The following SATB2 variants were observed in gnomAD, a reference collection of about 807,000 sequenced individuals.
SATB2 encodes DNA-binding protein SATB2.
In SATB2, 1 loss-of-function variant was observed where a neutral mutation model predicts 73.4. The observed-to-expected ratio is 0.01, with a 90% confidence interval of 0.00 to 0.06. SATB2 has a LOEUF of 0.06. Ranked by LOEUF, SATB2 falls within the 10% of genes least tolerant of loss-of-function variation. The pLI, the probability that SATB2 is intolerant of heterozygous loss-of-function variation, is 1.00. For missense variants in SATB2, 459 were observed against 945.8 expected (o/e 0.49, Z 6.75); for synonymous variants, 397 against 367.0 (o/e 1.08, Z -0.93).
At chr2:199,339,396 AT>A (rs1688436873) in intron 7 of SATB2, among the ~76,000 whole-genome samples, 1 of 152,176 alleles carries the variant, frequency 6.6e-6, no homozygotes, top group East Asian at 1.9e-4. Flanking sequence ...AAGACTGTTT[AT>A]TTTATGAAGC....
At chr2:199,294,666 C>A (rs1357698484) in intron 10 of SATB2, among the ~76,000 whole-genome samples, 1 of 152,142 alleles carries the variant, frequency 6.6e-6, no homozygotes, top group Non-Finnish European at 1.5e-5. Context: ...TCTCTTACCA[C>A]ACTTTTGAGT....
chr2:199,432,207 C>T (rs2105927628), intron 3 of SATB2, among the ~76,000 whole-genome samples: 1 of 152,312 alleles, frequency 6.6e-6, no homozygotes, highest in South Asian at 2.1e-4. Context: ...GAAAACATTC[C>T]TAATTTCAAT....
intron 2 of SATB2, among the ~76,000 whole-genome samples, chr2:199,438,824 G>A (rs968760459): frequency 6.6e-6 from 1 of 152,200 alleles, no homozygotes; most frequent in African/African-American, 2.4e-5. Flanking sequence ...GACAGGGTTA[G>A]CATTATTTTC....
intron 3 of SATB2, among the ~76,000 whole-genome samples, chr2:199,395,399 T>C (rs1690268477): frequency 6.6e-6 from 1 of 152,206 alleles, no homozygotes; most frequent in African/African-American, 2.4e-5. Context: ...TGATAACAGT[T>C]TCCAGTATGA....
intron 6 of SATB2, among the ~76,000 whole-genome samples, chr2:199,361,995 C>G (rs1262084412): frequency 2.1e-5 from 3 of 143,974 alleles, no homozygotes; most frequent in Admixed American, 1.4e-4. Context: ...CCTCGGCCTC[C>G]CAAAGTGCTA....
chr2:199,304,150 G>A (rs1346920164), intron 10 of SATB2, among the ~76,000 whole-genome samples: 1 of 152,140 alleles, frequency 6.6e-6, no homozygotes, highest in Non-Finnish European at 1.5e-5. Context: ...TTCAGGCAAG[G>A]CTTGACGTCT....
At chr2:199,441,145 C>G (rs556258191) in intron 2 of SATB2, among the ~76,000 whole-genome samples, 1 of 152,156 alleles carries the variant, frequency 6.6e-6, no homozygotes, top group East Asian at 1.9e-4. Flanking sequence ...CCTTGCCCAG[C>G]CATCATAATT....
In SATB2 at chr2:199,456,087, G is replaced by T. The variant is rs764712165; in HGVS notation, c.-50C>A. Reference sequence around the variant, plus strand: ...TCCCACCGGCAGGTCGCAATAAAACGCACAGGGACCTAGGGAGGGGGTGGG... The same window carrying T: ...TCCCACCGGCAGGTCGCAATAAAACTCACAGGGACCTAGGGAGGGGGTGGG... On this transcript the variant is annotated 5_prime_UTR_variant, in exon 2 of 11. Coordinates refer to ENST00000417098, the MANE Select transcript of SATB2 (RefSeq NM_001172509.2). 13 of 641,148 alleles carry T rather than the reference G, an allele frequency of 2.0e-5. No homozygotes were observed. The highest frequency in any genetic ancestry group is 3.0e-5 in the South Asian group (2 of 67,176). 39.7% of individuals were successfully genotyped at this position (641,148 alleles called of 1,614,324 possible). A position where few individuals can be genotyped will look rare whatever the true frequency, so the allele number is the denominator to read the frequency against.
At chr2:199,314,588 C>G (rs1687680155) in intron 9 of SATB2, among the ~76,000 whole-genome samples, 1 of 152,062 alleles carries the variant, frequency 6.6e-6, no homozygotes, top group African/African-American at 2.4e-5. Context: ...GTCATTGTTA[C>G]TTTTTACTTG....
At chr2:199,326,880 G>T (rs1431615988) in intron 8 of SATB2, among the ~76,000 whole-genome samples, 3 of 152,110 alleles carry the variant, frequency 2.0e-5, no homozygotes, top group African/African-American at 7.2e-5. Context: ...AAAGACTGAA[G>T]TGTAAGTAAC....
chr2:199,458,618 A>G, upstream of SATB2: 1 of 435,524 alleles, frequency 2.3e-6, no homozygotes, highest in Non-Finnish European at 4.6e-6. Context: ...GCGACAAGGC[A>G]GTCGCTGGGT....
At chr2:199,341,813 A>G (rs1688513794) in intron 7 of SATB2, among the ~76,000 whole-genome samples, 1 of 152,208 alleles carries the variant, frequency 6.6e-6, no homozygotes, top group Admixed American at 6.5e-5. Flanking sequence ...CTGGGATAAA[A>G]CGCAGATCCT....
intron 10 of SATB2, among the ~76,000 whole-genome samples, chr2:199,294,759 C>T (rs2105747572): frequency 6.6e-6 from 1 of 152,298 alleles, no homozygotes; most frequent in Non-Finnish European, 1.5e-5. Context: ...GAATACTGCA[C>T]TTATGCAGTA....
intron 7 of SATB2, chr2:199,347,917 T>C (rs940092581): frequency 2.0e-5 from 3 of 152,138 alleles, no homozygotes; most frequent in Non-Finnish European, 4.4e-5. Context: ...GTTAGAAATG[T>C]CCATTTCTGA....
intron 10 of SATB2, among the ~76,000 whole-genome samples, chr2:199,307,935 CAG>C (rs1687481373): frequency 1.3e-5 from 2 of 152,232 alleles, no homozygotes; most frequent in South Asian, 4.1e-4. Context: ...CCAGGAGATT[CAG>C]AGACAGGCCA....
intron 10 of SATB2, among the ~76,000 whole-genome samples, chr2:199,299,673 C>T (rs1687223870): frequency 6.6e-6 from 1 of 151,822 alleles, no homozygotes; most frequent in African/African-American, 2.4e-5. Context: ...CCTGGAATAA[C>T]ACTTGGCATA....
chr2:199,461,171 A>G (rs186127316), upstream of SATB2, among the ~76,000 whole-genome samples: 545 of 152,354 alleles, frequency 3.6e-3, 1 homozygote, highest in Non-Finnish European at 6.5e-3. Flanking sequence ...GGAGAGTTCT[A>G]GGAAGTTTTG....
intron 3 of SATB2, among the ~76,000 whole-genome samples, chr2:199,386,491 G>A (rs1361005078): frequency 6.6e-6 from 1 of 152,132 alleles, no homozygotes; most frequent in Non-Finnish European, 1.5e-5. Flanking sequence ...CCAGTGTAGT[G>A]AACAAGGACA....
At chr2:199,444,912 T>C (rs1691919892) in intron 2 of SATB2, among the ~76,000 whole-genome samples, 1 of 152,188 alleles carries the variant, frequency 6.6e-6, no homozygotes. Context: ...ATTCTATATA[T>C]GAGAGGCTGG....
Sources: allele counts gnomAD v4.1 joint callset (sites outside exome capture counted in the v4.1 genomes callset), GRCh38; gene constraint gnomAD v4.1.1; transcripts MANE v1.5; gene names NCBI Gene and HGNC (gene_info 2026-07-23, HGNC 2026-07-21).